Variants in GNAL observed in about 807,000 individuals in gnomAD.
GNAL encodes the protein guanine nucleotide-binding protein G(olf) subunit alpha.
GNAL carries 18 observed loss-of-function variants against 55.1 expected under a neutral mutation model. The observed-to-expected ratio is 0.33, with a 90% CI of 0.23 to 0.48. The LOEUF (loss-of-function observed/expected upper bound fraction) is 0.48. GNAL is among the 20% of genes least tolerant of loss of function. The probability of loss-of-function intolerance (pLI) is 0.99; values close to 1 mark genes in which losing one functional copy is unlikely to be tolerated. For missense variants in GNAL, 412 were observed against 614.1 expected (o/e 0.67, Z 3.48); for synonymous variants, 253 against 237.0 (o/e 1.07, Z -0.62).
chr18:11,834,899 G>C (rs2035467009), intron 5 of GNAL, among the ~76,000 whole-genome samples: 1 of 152,212 alleles, frequency 6.6e-6, no homozygotes, highest in South Asian at 2.1e-4. Context: ...GGGCCCTGCA[G>C]GTGAGCCCCA....
rs1567902222 is a variant in GNAL, at chr18:11,868,868, A to G, written c.1031+205A>G. ...TCTACAAAAAATACAAAAATTAGCC[A>G]GGTGTGGTGGTGCACACCTGCCCAG... is the stretch of plus-strand genomic sequence containing the variant. On this transcript the variant is annotated intron_variant, in intron 9 of 11. Coordinates refer to ENST00000334049, the MANE Select transcript of GNAL (RefSeq NM_182978.4). The surrounding 1 kb of genome is among the most constrained non-coding windows in gnomAD (Gnocchi z 4.0). Among the ~76,000 whole-genome samples the G allele has an allele frequency of 2.0e-5, 3 of 152,034 alleles. No individual in the cohort carries two copies. Among genetic ancestry groups the G allele is most frequent in the Non-Finnish European group, 2.9e-5 (2 of 67,992 alleles).
intron 9 of GNAL, among the ~76,000 whole-genome samples, chr18:11,870,088 T>C (rs2036360447): frequency 6.6e-6 from 1 of 152,206 alleles, no homozygotes; most frequent in South Asian, 2.1e-4. Flanking sequence ...ATGCAAATAC[T>C]ACACCATTTC....
chr18:11,807,865 G>A (rs1371904724), intron 4 of GNAL, among the ~76,000 whole-genome samples: 2 of 152,084 alleles, frequency 1.3e-5, no homozygotes, highest in Non-Finnish European at 2.9e-5. Context: ...ATGTCTTGAA[G>A]GCCAAGACAG....
intron 4 of GNAL, among the ~76,000 whole-genome samples, chr18:11,778,678 C>T (rs2033848726): frequency 6.6e-6 from 1 of 152,008 alleles, no homozygotes; most frequent in Non-Finnish European, 1.5e-5. Context: ...GTTATGGGGT[C>T]AGTGTGGTGG....
intron 4 of GNAL, among the ~76,000 whole-genome samples, chr18:11,756,979 A>G (rs2033077540): frequency 6.6e-6 from 1 of 152,234 alleles, no homozygotes; most frequent in African/African-American, 2.4e-5. Context: ...TAGGGGTAAG[A>G]TAACTTTTGA....
At chr18:11,735,004 C>A (rs4556858) in intron 1 of GNAL, among the ~76,000 whole-genome samples, 2 of 147,920 alleles carry the variant, frequency 1.4e-5, no homozygotes, top group Non-Finnish European at 3.0e-5. Context: ...AAACGCCAGG[C>A]CGACGTGAGG....
intron 4 of GNAL, among the ~76,000 whole-genome samples, chr18:11,796,575 C>CAAAAAAAACA (rs2034387759): frequency 1.7e-5 from 1 of 58,950 alleles, no homozygotes; most frequent in African/African-American, 7.3e-5. Context: ...CTCCTTCTCA[C>CAAAAAAAACA]AAAAAAAAAA....
chr18:11,842,317 C>T (rs1334082543), intron 5 of GNAL, among the ~76,000 whole-genome samples: 2 of 152,042 alleles, frequency 1.3e-5, no homozygotes, highest in African/African-American at 4.8e-5. Flanking sequence ...CTTGGTGTAG[C>T]GGCCCCCAGC....
chr18:11,790,973 A>G (rs2034219011), intron 4 of GNAL, among the ~76,000 whole-genome samples: 1 of 83,414 alleles, frequency 1.2e-5, no homozygotes, highest in Admixed American at 1.8e-4. Context: ...TGGTTTTTCA[A>G]TCAAAACTAT....
At chr18:11,786,615 ATT>A (rs61303052) in intron 4 of GNAL, among the ~76,000 whole-genome samples, 138 of 132,926 alleles carry the variant, frequency 1.0e-3, no homozygotes, top group Middle Eastern at 3.8e-3. Flanking sequence ...CACCTGGCTA[ATT>A]TTTTTTTTTT....
At chr18:11,807,798 T>TA (rs2034704476) in intron 4 of GNAL, among the ~76,000 whole-genome samples, 1 of 152,084 alleles carries the variant, frequency 6.6e-6, no homozygotes, top group Non-Finnish European at 1.5e-5. Context: ...CCTCTAGGAT[T>TA]AGGAGGCTGT....
intron 1 of GNAL, among the ~76,000 whole-genome samples, chr18:11,733,061 G>T (rs78272908): frequency 6.6e-6 from 1 of 152,288 alleles, no homozygotes; most frequent in East Asian, 1.9e-4. Flanking sequence ...TGTCTGGTCC[G>T]CTGTGGACAC....
At chr18:11,830,175 T>C (rs1598413054) in intron 5 of GNAL, among the ~76,000 whole-genome samples, 1 of 152,068 alleles carries the variant, frequency 6.6e-6, no homozygotes, top group African/African-American at 2.4e-5. Context: ...CCACTATTCC[T>C]GCGTGTTTTC....
chr18:11,843,542 TAAG>T (rs1411014502), intron 5 of GNAL, among the ~76,000 whole-genome samples: 3 of 149,234 alleles, frequency 2.0e-5, no homozygotes, highest in African/African-American at 7.4e-5. Flanking sequence ...AATAAATAGA[TAAG>T]AAGAAAAGAA....
intron 5 of GNAL, 49 bp downstream of exon 5, chr18:11,825,064 G>GGC (rs2143651214): frequency 2.2e-4 from 174 of 788,010 alleles, no homozygotes; most frequent in Non-Finnish European, 3.0e-4. Context: ...GAATATGATT[G>GGC]CATGCATGAT....
chr18:11,754,506 C>T (rs1360653191), intron 4 of GNAL, among the ~76,000 whole-genome samples: 1 of 151,994 alleles, frequency 6.6e-6, no homozygotes, highest in Admixed American at 6.6e-5. Context: ...AGGCAGCATA[C>T]CTTTAAGAAA....
At chr18:11,802,436 C>T (rs985350399) in intron 4 of GNAL, among the ~76,000 whole-genome samples, 1 of 152,140 alleles carries the variant, frequency 6.6e-6, no homozygotes, top group African/African-American at 2.4e-5. Context: ...TACACCCAGG[C>T]GTACTTCTTG....
intron 1 of GNAL, among the ~76,000 whole-genome samples, chr18:11,693,645 C>T (rs1476506518): frequency 6.6e-6 from 1 of 151,838 alleles, no homozygotes. Flanking sequence ...GCTCACTGAC[C>T]ACATTCATTT....
intron 4 of GNAL, 150 bp downstream of exon 4, chr18:11,754,095 G>A: frequency 1.5e-6 from 1 of 665,892 alleles, no homozygotes. Context: ...TACTTATTCT[G>A]TACCAAAATA....
Sources: allele counts gnomAD v4.1 joint callset (sites outside exome capture counted in the v4.1 genomes callset), GRCh38; gene constraint gnomAD v4.1.1; non-coding constraint Gnocchi (gnomAD v3.1); transcripts MANE v1.5; gene names NCBI Gene and HGNC (gene_info 2026-07-23, HGNC 2026-07-21).